Variants in MIS18BP1 observed in about 807,000 individuals in gnomAD.
MIS18BP1 encodes mis18-binding protein 1.
In MIS18BP1, 72 loss-of-function variants were observed where a neutral mutation model predicts 116.1. The observed-to-expected ratio is 0.62, with a 90% confidence interval of 0.51 to 0.75. The LOEUF (loss-of-function observed/expected upper bound fraction) is 0.75, where lower values mean the gene tolerates loss of function less well. Among genes scored for constraint, MIS18BP1 ranks in the 30% least tolerant of loss-of-function variants. The pLI, the probability that MIS18BP1 is intolerant of heterozygous loss-of-function variation, is 0.00. For synonymous variants in MIS18BP1, 386 were observed against 427.0 expected, an observed-to-expected ratio of 0.90 and a Z score of 1.18; for missense variants, 1,363 against 1,303.2, an observed-to-expected ratio of 1.05 and a Z score of -0.71.
chr14:45,224,456 T>C lies in MIS18BP1; in HGVS notation c.2131A>G (p.Lys711Glu). 1 of 1,613,970 alleles carries C rather than the reference T, an allele frequency of 6.2e-7. No individual in the cohort carries two copies. Among genetic ancestry groups the C allele is most frequent in the South Asian group, 1.1e-5 (1 of 91,056 alleles). The change falls in exon 11 of 17, where the codon AAG (lysine) becomes GAG (glutamate). Residue 711 changes from lysine to glutamate, a missense_variant. Lys to Glu is a moderately conservative substitution (Grantham distance 56). Transcript: ENST00000310806. ...NTFEGHKSKN[K>E]EDCDERDLLT... The stretch of plus-strand genomic sequence containing the variant: ...AAGTCACGTTCATCGCAATCTTCCT[T>C]GTTTTTACTTTTATGACCTTCAAAT...
At chr14:45,213,769 GAGA>G (rs1246364809) in intron 13 of MIS18BP1, among the ~76,000 whole-genome samples, 1 of 152,230 alleles carries the variant, frequency 6.6e-6, no homozygotes, top group Non-Finnish European at 1.5e-5. Flanking sequence ...TCTATGCAGA[GAGA>G]AGTAGACATA....
At chr14:45,218,995 A>G (rs1890900014) in intron 11 of MIS18BP1, among the ~76,000 whole-genome samples, 3 of 152,156 alleles carry the variant, frequency 2.0e-5, no homozygotes, top group Non-Finnish European at 4.4e-5. Context: ...AGAGAAAACT[A>G]TAAGGAAGTC....
At chr14:45,228,338 A>T (rs1891182589) in intron 8 of MIS18BP1, among the ~76,000 whole-genome samples, 1 of 152,224 alleles carries the variant, frequency 6.6e-6, no homozygotes, top group Admixed American at 6.5e-5. Context: ...CAGCCATATT[A>T]TTCACGACCA....
intron 4 of MIS18BP1, among the ~76,000 whole-genome samples, chr14:45,240,800 G>A (rs1482812979): frequency 6.6e-6 from 1 of 152,138 alleles, no homozygotes; most frequent in Non-Finnish European, 1.5e-5. Context: ...CACTCAGGAG[G>A]CTGAGGCAGG....
rs1371746869 is a variant in MIS18BP1 at position 45,246,902 on chromosome 14, G to A, written c.385C>T (p.Gln129Ter). Reference sequence around the variant, plus strand: ...AACAAACTACTGTTTCTTGATGGCTGTTCTTGCTTGTCACGCAGTACTTTT... The same window carrying A: ...AACAAACTACTGTTTCTTGATGGCTATTCTTGCTTGTCACGCAGTACTTTT... ...KEKVLRDKQE[Q>*]PSRNSSLLEP... Residue 129 changes from glutamine to a stop codon, truncating the protein, a stop_gained, in exon 2 of 17, where the codon CAG becomes TAG. Transcript: ENST00000310806. LOFTEE classifies it high-confidence loss of function. 6.2e-7 allele frequency: 1 copy of A among 1,609,630 alleles called. No individual in the cohort carries two copies. The highest frequency in any genetic ancestry group is 1.1e-5 in the South Asian group (1 of 89,718).
intron 1 of MIS18BP1, among the ~76,000 whole-genome samples, chr14:45,250,742 C>G (rs1891846427): frequency 6.6e-6 from 1 of 150,994 alleles, no homozygotes; most frequent in African/African-American, 2.4e-5. Flanking sequence ...GCTGGCCAGG[C>G]CGCGTGCGGT....
At chr14:45,217,405 T>C (rs761280735) in intron 12 of MIS18BP1, among the ~76,000 whole-genome samples, 5 of 151,972 alleles carry the variant, frequency 3.3e-5, no homozygotes, top group African/African-American at 4.8e-5. Flanking sequence ...CTGGGCAATA[T>C]AGTGAGACCC....
At chr14:45,212,448 G>A (rs1890701617) in intron 13 of MIS18BP1, among the ~76,000 whole-genome samples, 1 of 152,102 alleles carries the variant, frequency 6.6e-6, no homozygotes, top group African/African-American at 2.4e-5. Context: ...GAATGAGAGG[G>A]CCTCCCCACC....
At chr14:45,245,924 C>A (rs1891710910) in intron 2 of MIS18BP1, among the ~76,000 whole-genome samples, 1 of 152,154 alleles carries the variant, frequency 6.6e-6, no homozygotes, top group Non-Finnish European at 1.5e-5. Context: ...ATAACAAAAT[C>A]TTAGTTAATG....
intron 13 of MIS18BP1, among the ~76,000 whole-genome samples, chr14:45,213,545 T>C (rs1890732597): frequency 6.6e-6 from 1 of 152,210 alleles, no homozygotes; most frequent in Non-Finnish European, 1.5e-5. Flanking sequence ...TAGGGAATAT[T>C]TTAGGTTTTG....
chr14:45,247,036 G>C lies in MIS18BP1; in HGVS notation c.251C>G (p.Thr84Ser). The C allele has an allele frequency of 6.2e-7, 1 of 1,613,216 alleles. No individual in the cohort carries two copies. The highest frequency in any genetic ancestry group is 8.5e-7 in the Non-Finnish European group (1 of 1,179,700). Residue 84 changes from threonine to serine, a missense_variant, in exon 2 of 17, where the codon ACT becomes AGT. By Grantham distance (58) the Thr-to-Ser change is moderately conservative. Coordinates refer to ENST00000310806, the MANE Select transcript of MIS18BP1 (RefSeq NM_018353.5). ...GATATCAAGAGAACTGTTAGAGGTA[G>C]TAGCCTCTGTTAGCATAGTTGATTG... ...IFQSTMLTEA[T>S]TSNSSLDISA...
In MIS18BP1 at chr14:45,227,560, A is replaced by C. The variant is rs74351670; in HGVS notation, c.1746+103T>G. 556 of 1,054,150 alleles carry C rather than the reference A, an allele frequency of 5.3e-4. 4 individuals are homozygous for C. The African/African-American group carries it at 7.2e-3, about 14-fold the overall frequency. 65.3% of individuals were successfully genotyped at this position (1,054,150 alleles called of 1,614,324 possible). On this transcript the variant is annotated intron_variant, in intron 9 of 16. Coordinates refer to ENST00000310806, the MANE Select transcript of MIS18BP1 (RefSeq NM_018353.5). ...ACTCCATCTCAAAAGAAAAAAAAAAAAAAAACAGAACTCACGTCCCTGATA... is the reference window on the plus strand; with the variant it reads ...ACTCCATCTCAAAAGAAAAAAAAAACAAAAACAGAACTCACGTCCCTGATA...
chr14:45,226,340 C>T (rs930716102), intron 10 of MIS18BP1, among the ~76,000 whole-genome samples: 3 of 152,228 alleles, frequency 2.0e-5, no homozygotes, highest in Admixed American at 2.0e-4. Flanking sequence ...TGTAAACTTG[C>T]TAACATTTAG....
At chr14:45,247,552 G>A (rs966689859) in intron 1 of MIS18BP1, among the ~76,000 whole-genome samples, 175 bp from the exon 2 acceptor site, 20 of 151,856 alleles carry the variant, frequency 1.3e-4, no homozygotes, top group African/African-American at 4.1e-4. Flanking sequence ...TAACAAAAGA[G>A]CTGGGTGTGA....
intron 2 of MIS18BP1, among the ~76,000 whole-genome samples, chr14:45,244,120 CTACT>C (rs1377795977): frequency 6.6e-6 from 1 of 152,106 alleles, no homozygotes; most frequent in Non-Finnish European, 1.5e-5. Context: ...TACCCACAAC[CTACT>C]GTGTAGTGGT....
Position 45,242,207 on chromosome 14 carries a change from T to C in MIS18BP1, c.970A>G (p.Lys324Glu). 2 of 1,614,156 alleles carry C rather than the reference T, an allele frequency of 1.2e-6. No homozygotes were observed. Among genetic ancestry groups the C allele is most frequent in the Non-Finnish European group, 1.7e-6 (2 of 1,180,008 alleles). The change falls in exon 4 of 17, where the codon AAA becomes GAA. Residue 324 changes from lysine (K) to glutamate (E), a missense_variant. Lys to Glu is a moderately conservative substitution (Grantham distance 56, BLOSUM62 1). Transcript: ENST00000310806. ...SQQKVKEGNG[K>E]TVPGETGLPG... ...AGACCTGTCTCTCCAGGCACTGTTT[T>C]TCCATTTCCTTCCTTAACTTTCTGT... is the stretch of plus-strand genomic sequence containing the variant.
At chr14:45,238,545 G>A (rs1430220251) in intron 4 of MIS18BP1, among the ~76,000 whole-genome samples, 1 of 152,188 alleles carries the variant, frequency 6.6e-6, no homozygotes, top group African/African-American at 2.4e-5. Context: ...AATTATAGGT[G>A]ATGGCTGAGG....
chr14:45,247,228 T>C lies in MIS18BP1; in HGVS notation c.59A>G (p.Gln20Arg). Reference protein sequence around the residue: ...RIYLPPEASSQRRNLPMDAIF... With the variant: ...RIYLPPEASSRRRNLPMDAIF... ...TGCATCCATGGGTAGATTTCTCCTTTGAGAAGATGCCTCTGGAGGTAAGTA... is the reference window on the plus strand; with the variant it reads ...TGCATCCATGGGTAGATTTCTCCTTCGAGAAGATGCCTCTGGAGGTAAGTA... The change falls in exon 2 of 17, where the codon CAA becomes CGA. Residue 20 changes from glutamine to arginine, a missense_variant. By Grantham distance (43) the Gln-to-Arg change is conservative. Coordinates refer to ENST00000310806, the MANE Select transcript of MIS18BP1 (RefSeq NM_018353.5). 1 of 1,610,702 alleles carries C rather than the reference T, an allele frequency of 6.2e-7. No homozygotes were observed. Among genetic ancestry groups the C allele is most frequent in the East Asian group, 2.2e-5 (1 of 44,830 alleles).
intron 8 of MIS18BP1, among the ~76,000 whole-genome samples, chr14:45,228,257 T>C (rs1284822963): frequency 2.0e-5 from 3 of 152,230 alleles, no homozygotes; most frequent in Non-Finnish European, 4.4e-5. Context: ...AAAGAATCAC[T>C]CTGTATAGCG....
Sources: allele counts gnomAD v4.1 joint callset (sites outside exome capture counted in the v4.1 genomes callset), GRCh38; gene constraint gnomAD v4.1.1; transcripts MANE v1.5; gene names NCBI Gene and HGNC (gene_info 2026-07-23, HGNC 2026-07-21).